CAST: variants seen among roughly 807,000 people sequenced by gnomAD.
CAST encodes calpastatin.
Under a neutral mutation model 119.6 loss-of-function variants are expected in CAST, and 76 were observed. That is an observed-to-expected ratio of 0.64 (90% confidence interval 0.53 to 0.77). CAST has a LOEUF of 0.77. CAST is among the 30% of genes least tolerant of loss of function. The pLI is 0.00. For synonymous variants in CAST, 319 were observed against 331.6 expected, an observed-to-expected ratio of 0.96 and a Z score of 0.41; for missense variants, 953 against 946.5, an observed-to-expected ratio of 1.01 and a Z score of -0.09.
At chr5:96,473,820 A>G in the CAST span, among the ~76,000 whole-genome samples, 17 of 152,156 alleles carry the variant, frequency 1.1e-4, no homozygotes, top group Non-Finnish European at 5.9e-5. Context: ...AGCAGAAGGG[A>G]AGAGGGGATG....
chr5:96,026,300 A>T, the CAST span, among the ~76,000 whole-genome samples: 3 of 152,172 alleles, frequency 2.0e-5, no homozygotes, highest in Non-Finnish European at 2.9e-5. Flanking sequence ...TGGGACAGTG[A>T]TTTTGATGTG....
chr5:96,073,414 A>C, the CAST span, among the ~76,000 whole-genome samples: 1 of 152,208 alleles, frequency 6.6e-6, no homozygotes, highest in Non-Finnish European at 1.5e-5. Context: ...AATAGAAAAT[A>C]ATCAGAAAGT....
chr5:96,603,759 C>CTTTT (rs70981832), intron 1 of CAST, among the ~76,000 whole-genome samples: 45 of 79,496 alleles, frequency 5.7e-4, no homozygotes, highest in Non-Finnish European at 7.1e-4. Context: ...GTGCTGTACT[C>CTTTT]TTTTTTTTTT....
At chr5:96,660,130 C>T (rs1161278435), upstream of CAST, among the ~76,000 whole-genome samples, 1 of 152,296 alleles carries the variant, frequency 6.6e-6, no homozygotes, top group Admixed American at 6.5e-5. Context: ...ATTACTTACT[C>T]CATTACATAG....
the CAST span, among the ~76,000 whole-genome samples, chr5:96,439,158 G>A: frequency 3.2e-4 from 49 of 152,232 alleles, no homozygotes; most frequent in East Asian, 3.9e-4. Context: ...ATCAAGTAAC[G>A]GAAGACACTT....
the CAST span, among the ~76,000 whole-genome samples, chr5:96,056,289 A>G: frequency 6.6e-6 from 1 of 152,202 alleles, no homozygotes; most frequent in Admixed American, 6.5e-5. Flanking sequence ...TTCCATAACT[A>G]CTTTGTACAG....
At chr5:96,003,758 A>C in the CAST span, among the ~76,000 whole-genome samples, 1 of 152,148 alleles carries the variant, frequency 6.6e-6, no homozygotes, top group Non-Finnish European at 1.5e-5. Flanking sequence ...CTTGCTGAAG[A>C]CTAGAAAAGA....
upstream of CAST, among the ~76,000 whole-genome samples, chr5:96,522,119 A>G (rs911493532): frequency 6.6e-6 from 1 of 152,194 alleles, no homozygotes; most frequent in Non-Finnish European, 1.5e-5. Flanking sequence ...CTGTCTCAAA[A>G]AAAAAAAATG....
the CAST span, among the ~76,000 whole-genome samples, chr5:96,417,734 T>A: frequency 6.6e-6 from 1 of 152,200 alleles, no homozygotes; most frequent in Non-Finnish European, 1.5e-5. Flanking sequence ...ACTTAATCTT[T>A]GAGTTAGGAT....
chr5:96,370,716 A>G, the CAST span, among the ~76,000 whole-genome samples: 1 of 152,238 alleles, frequency 6.6e-6, no homozygotes, highest in Non-Finnish European at 1.5e-5. Context: ...TGCTTGGACT[A>G]CACTGTGCAA....
At chr5:96,437,892 A>T in the CAST span, among the ~76,000 whole-genome samples, 1 of 152,202 alleles carries the variant, frequency 6.6e-6, no homozygotes, top group East Asian at 1.9e-4. Flanking sequence ...AAATGGTTAC[A>T]AAGTCCTTCC....
At chr5:96,505,830 C>T in the CAST span, among the ~76,000 whole-genome samples, 5 of 152,180 alleles carry the variant, frequency 3.3e-5, no homozygotes. Flanking sequence ...AACAGGGCAC[C>T]TTATGGGTTT....
chr5:96,612,924 T>C (rs1290647718), intron 1 of CAST, among the ~76,000 whole-genome samples: 1 of 152,248 alleles, frequency 6.6e-6, no homozygotes, highest in Non-Finnish European at 1.5e-5. Context: ...AATTTTTCTC[T>C]GTGGGTAACC....
chr5:96,459,800 T>A, the CAST span, among the ~76,000 whole-genome samples: 44 of 152,352 alleles, frequency 2.9e-4, no homozygotes, highest in Admixed American at 1.2e-3. Flanking sequence ...TGTGTAATTA[T>A]GCATAGCACA....
At chr5:96,418,821 C>T in the CAST span, among the ~76,000 whole-genome samples, 7 of 152,122 alleles carry the variant, frequency 4.6e-5, no homozygotes, top group African/African-American at 1.7e-4. Context: ...GAGAGTTGCT[C>T]ATTATGTCAT....
the CAST span, among the ~76,000 whole-genome samples, chr5:96,370,829 C>T: frequency 6.6e-6 from 1 of 152,116 alleles, no homozygotes; most frequent in South Asian, 2.1e-4. Context: ...TCCTATTTTG[C>T]CCGTAGAGAA....
At chr5:96,253,051 T>G in the CAST span, among the ~76,000 whole-genome samples, 1 of 152,170 alleles carries the variant, frequency 6.6e-6, no homozygotes, top group East Asian at 1.9e-4. Flanking sequence ...TCCTGTGTTC[T>G]AAAGAGGCCA....
chr5:96,069,537 G>A, the CAST span, among the ~76,000 whole-genome samples: 2 of 151,854 alleles, frequency 1.3e-5, no homozygotes, highest in African/African-American at 4.8e-5. Context: ...AGGCTGGAGT[G>A]CAGTGGTGCA....
chr5:96,640,210 A>G (rs749317075), intron 1 of CAST, among the ~76,000 whole-genome samples: 59 of 152,318 alleles, frequency 3.9e-4, no homozygotes, highest in Non-Finnish European at 6.8e-4. Flanking sequence ...TGGAGAATAC[A>G]TTTAGGCCAC....
Sources: allele counts gnomAD v4.1 joint callset (sites outside exome capture counted in the v4.1 genomes callset), GRCh38; gene constraint gnomAD v4.1.1; transcripts MANE v1.5; gene names NCBI Gene and HGNC (gene_info 2026-07-23, HGNC 2026-07-21).